RYR1: variants seen among roughly 807,000 people sequenced by gnomAD.
The protein encoded by RYR1 is central core disease of muscle.
RYR1 carries 342 observed loss-of-function variants against 583.5 expected under a neutral mutation model. The observed-to-expected ratio is 0.59, with a 90% CI of 0.54 to 0.64. RYR1 has a LOEUF of 0.64. Ranked by LOEUF, RYR1 falls within the 30% of genes least tolerant of loss-of-function variation. The probability of loss-of-function intolerance (pLI) is 0.00; values close to 1 mark genes in which losing one functional copy is unlikely to be tolerated. For missense variants in RYR1, 6,032 were observed against 6,917.2 expected (o/e 0.87, Z 4.54); for synonymous variants, 2,791 against 2,822.5 (o/e 0.99, Z 0.35).
intron 75 of RYR1, 75 bp downstream of exon 75, chr19:38,528,770 T>C: frequency 6.6e-7 from 1 of 1,513,456 alleles, no homozygotes. Context: ...TTGGCACACC[T>C]CCAGGGGTCG....
chr19:38,463,999 G>C (rs116470911), intron 22 of RYR1, 149 bp downstream of exon 22: 1 of 697,308 alleles, frequency 1.4e-6, no homozygotes, highest in East Asian at 2.7e-5. Context: ...GGGAGTGGCC[G>C]GGCACGGTGG....
In RYR1 at chr19:38,584,963, C is replaced by A. The variant is rs193922887; in HGVS notation, c.14667C>A (p.Tyr4889Ter). Residue 4889 changes from tyrosine to a stop codon, truncating the protein, a stop_gained, in exon 102 of 106, where the codon TAC becomes TAA. Transcript: ENST00000359596. LOFTEE classifies it high-confidence loss of function. ...DMMTCYLFHM[Y>*]VGVRAGGGIG... ...CTCAGTGTTACCTGTTTCACATGTA[C>A]GTGGGTGTCCGGGCTGGCGGAGGCA... 1 of 1,613,964 alleles carries A rather than the reference C, an allele frequency of 6.2e-7. No individual in the cohort carries two copies. The highest frequency in any genetic ancestry group is 8.5e-7 in the Non-Finnish European group (1 of 1,179,946).
At chr19:38,539,185 C>CGA (rs1260338215) in intron 84 of RYR1, among the ~76,000 whole-genome samples, 2 of 150,866 alleles carry the variant, frequency 1.3e-5, no homozygotes, top group African/African-American at 2.4e-5. Flanking sequence ...GTGTCCACAA[C>CGA]GAGTTTTTCA....
In RYR1 at chr19:38,452,886, G is replaced by A. The variant is rs765668209; in HGVS notation, c.1312G>A (p.Glu438Lys). The A allele has an allele frequency of 1.9e-6, 3 of 1,612,230 alleles. No homozygotes were observed. The highest frequency in any genetic ancestry group is 1.7e-5 in the Admixed American group (1 of 59,796). Residue 438 changes from glutamate to lysine, a missense_variant, in exon 13 of 106, where the codon GAG becomes AAG. Physicochemically the swap from Glu to Lys is moderately conservative, Grantham distance 56. This residue lies in a region of RYR1 where 2,627 missense variants were observed against 2,961.3 expected (regional missense o/e 0.89). Transcript: ENST00000359596. ...ACCCGCTGGCACGGCGCTGCCCATC[G>A]AGGGCGTTATCCTGAGCCTGCAGGA... ...GPPAGTALPI[E>K]GVILSLQDLI... is the part of the protein sequence containing the mutation.
chr19:38,515,773 A>C (rs1944267224), intron 64 of RYR1, among the ~76,000 whole-genome samples: 1 of 151,954 alleles, frequency 6.6e-6, no homozygotes, highest in Admixed American at 6.6e-5. Context: ...TCTCTACAAA[A>C]ACGACTTTTT....
chr19:38,461,205 G>T (rs1405668630), intron 20 of RYR1, among the ~76,000 whole-genome samples: 1 of 151,958 alleles, frequency 6.6e-6, no homozygotes, highest in African/African-American at 2.4e-5. Flanking sequence ...CCGAAGTGGG[G>T]GCCTCGCGCT....
chr19:38,452,695 G>A (rs889842159), intron 12 of RYR1, 124 bp from the exon 13 acceptor site: 3 of 838,990 alleles, frequency 3.6e-6, no homozygotes, highest in East Asian at 2.7e-5. Flanking sequence ...CCCTCTCTGC[G>A]TCTCGGTCTC....
chr19:38,587,257 T>A (rs1023241959), intron 105 of RYR1, 68 bp from the exon 106 acceptor site: 69 of 505,872 alleles, frequency 1.4e-4, no homozygotes, highest in South Asian at 5.6e-4. Context: ...TGTCTAAAAA[T>A]ATATATATAT....
At chr19:38,556,170 T>C (rs1027257927) in intron 89 of RYR1, among the ~76,000 whole-genome samples, 2 of 151,850 alleles carry the variant, frequency 1.3e-5, no homozygotes, top group African/African-American at 4.8e-5. Flanking sequence ...TTAAATTTTC[T>C]AATAGCCATG....
At chr19:38,535,453 T>G (rs945419438) in intron 81 of RYR1, 61 bp downstream of exon 81, 7 of 1,246,208 alleles carry the variant, frequency 5.6e-6, no homozygotes, top group Admixed American at 1.7e-5. Flanking sequence ...ACCCCACTCC[T>G]GGTACCATTT....
chr19:38,537,997 G>A, intron 84 of RYR1, 37 bp downstream of exon 84: 2 of 1,594,682 alleles, frequency 1.3e-6, no homozygotes, highest in Non-Finnish European at 8.6e-7. Context: ...GGGAAGCCGA[G>A]GTTTGGGGCT....
Position 38,444,432 on chromosome 19 carries a change from C to G in RYR1, c.538-152C>G. On this transcript the variant is annotated intron_variant, in intron 6 of 105. Transcript: ENST00000359596. This position sits in a 1 kb window ranked among gnomAD's most constrained non-coding sequence, Gnocchi z 5.1. Reference sequence around the variant, plus strand: ...TTCTGATTTCTGACCTCCCATTGCCCGACTTGATCATTTCCTGATCTGTGA... The same window carrying G: ...TTCTGATTTCTGACCTCCCATTGCCGGACTTGATCATTTCCTGATCTGTGA... 1.2e-6 allele frequency: 1 copy of G among 847,184 alleles called. No homozygotes were observed. The highest frequency in any genetic ancestry group is 2.0e-6 in the Non-Finnish European group (1 of 507,526). The allele number at this position is 847,184 out of a possible 1,614,324, so 52.5% of individuals were successfully genotyped here. A position where few individuals can be genotyped will look rare whatever the true frequency, so the allele number is the denominator to read the frequency against.
In RYR1 at chr19:38,528,498, C is replaced by T. The variant is rs1971581252; in HGVS notation, c.10937+80C>T. The T allele has an allele frequency of 3.2e-6, 5 of 1,586,678 alleles. No homozygotes were observed. The South Asian group carries it at 3.3e-5, about 11-fold the overall frequency. ...GAGAGTCTGGAGAATGGAGGGCCAA[C>T]GTGATGGGGCCTTGAGGGTGGTTGG... On this transcript the variant is annotated intron_variant, in intron 74 of 105. Transcript: ENST00000359596.
rs1457191029 is a variant in RYR1, at chr19:38,505,795, G to C, written c.8401-11G>C. 1 of 1,613,992 alleles carries C rather than the reference G, an allele frequency of 6.2e-7. No individual in the cohort carries two copies. The highest frequency in any genetic ancestry group is 1.1e-5 in the South Asian group (1 of 91,062). On this transcript the variant is annotated splice_polypyrimidine_tract_variant and intron_variant, in intron 53 of 105. Coordinates refer to ENST00000359596, the MANE Select transcript of RYR1 (RefSeq NM_000540.3). Reference sequence around the variant, plus strand: ...CATTCCACCAACTCCCCACCCTCCTGTCCACCCCAGGACAAAGAGATTTAC... The same window carrying C: ...CATTCCACCAACTCCCCACCCTCCTCTCCACCCCAGGACAAAGAGATTTAC...
intron 104 of RYR1, 131 bp from the exon 105 acceptor site, chr19:38,586,394 G>A: frequency 2.6e-6 from 3 of 1,135,690 alleles, no homozygotes; most frequent in Non-Finnish European, 4.0e-6. Flanking sequence ...GCCAAGTGGG[G>A]AGGATTACTT....
chr19:38,435,990 C>A (rs1175297866), intron 1 of RYR1, among the ~76,000 whole-genome samples: 2 of 152,076 alleles, frequency 1.3e-5, no homozygotes, highest in African/African-American at 2.4e-5. Flanking sequence ...CTCACTGCAA[C>A]CTCTGCCTCC....
chr19:38,537,932 A>G lies in RYR1; in HGVS notation c.11661A>G (p.Leu3887=), dbSNP rs750327240. 1 of 1,614,046 alleles carries G rather than the reference A, an allele frequency of 6.2e-7. No individual in the cohort carries two copies. The highest frequency in any genetic ancestry group is 1.3e-5 in the African/African-American group (1 of 75,012). Residue 3887 remains leucine, a synonymous_variant, in exon 84 of 106, where the codon CTA becomes CTG. Coordinates refer to ENST00000359596, the MANE Select transcript of RYR1 (RefSeq NM_000540.3). ...TCACACAAGACCTGTTCCGATTCCT[A>G]CAATTGCTCTGTGAGGGGCACAATA... ...DEFTQDLFRF[L]QLLCEGHNND...
At chr19:38,571,046 A>G (rs554649103) in intron 94 of RYR1, among the ~76,000 whole-genome samples, 2 of 152,344 alleles carry the variant, frequency 1.3e-5, no homozygotes, top group South Asian at 2.1e-4. Context: ...TTGGTTTCAC[A>G]TAAGCTAAAC....
Position 38,510,306 on chromosome 19 carries a change from A to G in RYR1, c.8933-192A>G, listed in dbSNP as rs58360688. ...ATTGCACTCCTGTCTGGGTGACAAGAAAAAAAAAAGGAGTTGGGGGAATCA... is the reference window on the plus strand; with the variant it reads ...ATTGCACTCCTGTCTGGGTGACAAGGAAAAAAAAAGGAGTTGGGGGAATCA... On this transcript the variant is annotated intron_variant, in intron 58 of 105. Coordinates refer to ENST00000359596, the MANE Select transcript of RYR1 (RefSeq NM_000540.3). 0.18 allele frequency among the ~76,000 whole-genome samples: 26,488 copies of G among 150,224 alleles called. 2,453 individuals are homozygous for G. The highest frequency in any genetic ancestry group is 0.31 in the East Asian group (1,569 of 5,124).
Sources: allele counts gnomAD v4.1 joint callset (sites outside exome capture counted in the v4.1 genomes callset), GRCh38; gene constraint gnomAD v4.1.1; regional missense constraint gnomAD v4.1.1; non-coding constraint Gnocchi (gnomAD v3.1); transcripts MANE v1.5; gene names NCBI Gene and HGNC (gene_info 2026-07-23, HGNC 2026-07-21).